The following TFDP2 variants were observed in gnomAD, a reference collection of about 807,000 sequenced individuals.
TFDP2 encodes the protein transcription factor Dp-2 (E2F dimerization partner 2).
A neutral mutation model predicts 59.3 loss-of-function variants in TFDP2; 17 were observed. That is an observed-to-expected ratio of 0.29 (90% confidence interval 0.20 to 0.43). The LOEUF (loss-of-function observed/expected upper bound fraction) is 0.43, where lower values mean the gene tolerates loss of function less well. TFDP2 is among the 20% of genes least tolerant of loss of function. The probability of loss-of-function intolerance (pLI) is 1.00; values close to 1 mark genes in which losing one functional copy is unlikely to be tolerated. For synonymous variants in TFDP2, 180 were observed against 194.7 expected (o/e 0.92, Z 0.63); for missense variants, 391 against 528.8 (o/e 0.74, Z 2.56).
chr3:142,116,159 G>A (rs1446463668), intron 1 of TFDP2, among the ~76,000 whole-genome samples: 1 of 151,858 alleles, frequency 6.6e-6, no homozygotes, highest in Admixed American at 6.6e-5. Flanking sequence ...CAAACTCCTG[G>A]GCTCAAGCAA....
At chr3:141,972,609 A>C (rs957956086) in intron 8 of TFDP2, among the ~76,000 whole-genome samples, 1 of 152,154 alleles carries the variant, frequency 6.6e-6, no homozygotes, top group Non-Finnish European at 1.5e-5. Context: ...TCCACTTGGC[A>C]GACTACTCCC....
intron 1 of TFDP2, among the ~76,000 whole-genome samples, chr3:142,133,560 CA>C (rs1403356690): frequency 7.1e-6 from 1 of 141,632 alleles, no homozygotes; most frequent in Non-Finnish European, 1.5e-5. Flanking sequence ...TACAGTGGCA[CA>C]ATCTTGGCTC....
At chr3:141,954,779 A>T (rs758704256) in intron 11 of TFDP2, among the ~76,000 whole-genome samples, 2 of 152,228 alleles carry the variant, frequency 1.3e-5, no homozygotes, top group Non-Finnish European at 2.9e-5. Flanking sequence ...AGAAAATGTA[A>T]TCTGCCAAAA....
chr3:142,139,295 C>T (rs1018527497), intron 1 of TFDP2, among the ~76,000 whole-genome samples: 6 of 152,152 alleles, frequency 3.9e-5, no homozygotes, highest in African/African-American at 1.4e-4. Context: ...ATATAGCACA[C>T]TGATGGGTCT....
rs1047209999 is a variant in TFDP2 at position 141,984,546 on chromosome 3, T to C, written c.357-5864A>G. 3.3e-5 allele frequency among the ~76,000 whole-genome samples: 5 copies of C among 152,180 alleles called. 1 individual carries two copies. The highest frequency in any genetic ancestry group is 3.3e-4 in the Admixed American group (5 of 15,264). On this transcript the variant is annotated intron_variant, in intron 6 of 12. Coordinates refer to ENST00000489671, the MANE Select transcript of TFDP2 (RefSeq NM_001178139.2). ...ATTCCACTTATATGAAATCAAATTA[T>C]AGTCAAAATCATAGAAAGTAGAACA...
chr3:142,066,232 C>T (rs888819494), intron 3 of TFDP2, among the ~76,000 whole-genome samples: 15 of 152,136 alleles, frequency 9.9e-5, no homozygotes, highest in African/African-American at 3.4e-4. Flanking sequence ...TGTTTCCAGG[C>T]TGTGAAGATT....
At chr3:142,049,271 T>C (rs374313355) in intron 3 of TFDP2, among the ~76,000 whole-genome samples, 27 of 152,370 alleles carry the variant, frequency 1.8e-4, no homozygotes, top group African/African-American at 6.5e-4. Context: ...GGATAACATA[T>C]GCCTGAGTTT....
chr3:142,131,776 C>T (rs1175261157), intron 1 of TFDP2, among the ~76,000 whole-genome samples: 2 of 149,798 alleles, frequency 1.3e-5, no homozygotes, highest in Non-Finnish European at 2.9e-5. Context: ...GAGGCCGAGG[C>T]GGGCAGACCA....
At chr3:142,097,784 G>A (rs1193397440) in intron 2 of TFDP2, among the ~76,000 whole-genome samples, 1 of 152,162 alleles carries the variant, frequency 6.6e-6, no homozygotes, top group Non-Finnish European at 1.5e-5. Flanking sequence ...GCCAGGCACG[G>A]TGGCTCATGT....
intron 3 of TFDP2, among the ~76,000 whole-genome samples, chr3:142,070,572 G>A (rs1467800117): frequency 6.6e-6 from 1 of 152,194 alleles, no homozygotes; most frequent in Non-Finnish European, 1.5e-5. Flanking sequence ...GAGCCACTAT[G>A]CCCAGCCCTC....
intron 3 of TFDP2, among the ~76,000 whole-genome samples, chr3:142,058,618 C>T (rs970813522): frequency 6.6e-6 from 1 of 152,106 alleles, no homozygotes. Context: ...CTTACTATTA[C>T]TGGTTTGTTT....
chr3:142,030,812 G>A (rs887832659), intron 3 of TFDP2, among the ~76,000 whole-genome samples: 1 of 137,934 alleles, frequency 7.2e-6, no homozygotes, highest in African/African-American at 2.8e-5. Flanking sequence ...GCGCGATCTC[G>A]GCTCACTGCA....
intron 3 of TFDP2, among the ~76,000 whole-genome samples, chr3:142,017,982 G>A (rs940419584): frequency 4.8e-5 from 7 of 147,304 alleles, no homozygotes; most frequent in African/African-American, 9.8e-5. Flanking sequence ...TGCTCTTGTC[G>A]TCCAGGCTGG....
At chr3:142,060,436 T>G (rs180753446) in intron 3 of TFDP2, among the ~76,000 whole-genome samples, 1 of 152,288 alleles carries the variant, frequency 6.6e-6, no homozygotes, top group East Asian at 1.9e-4. Flanking sequence ...ACAGTAGAAT[T>G]TTTTCATTGT....
chr3:141,958,976 CAG>C (rs776629891), intron 11 of TFDP2, among the ~76,000 whole-genome samples: 23 of 105,852 alleles, frequency 2.2e-4, no homozygotes, highest in Non-Finnish European at 3.2e-4. Flanking sequence ...TTTTTTGAGA[CAG>C]AGTTTCACTC....
At chr3:142,043,834 A>C (rs964336560) in intron 3 of TFDP2, 9 of 1,507,398 alleles carry the variant, frequency 6.0e-6, no homozygotes, top group African/African-American at 2.7e-5. Flanking sequence ...ATTTCCCTTC[A>C]CCTTCAGGTA....
At chr3:142,095,421 CAAG>C in intron 2 of TFDP2, among the ~76,000 whole-genome samples, 1 of 152,294 alleles carries the variant, frequency 6.6e-6, no homozygotes, top group Non-Finnish European at 1.5e-5. Flanking sequence ...TTCTTTCTGT[CAAG>C]AAGTATGTTA....
intron 3 of TFDP2, among the ~76,000 whole-genome samples, chr3:142,025,461 T>C (rs976893122): frequency 6.6e-6 from 1 of 152,244 alleles, no homozygotes; most frequent in African/African-American, 2.4e-5. Context: ...ACTGTTTTCC[T>C]TGTTAAGTAA....
chr3:142,011,286 T>G (rs1488501758), intron 3 of TFDP2, among the ~76,000 whole-genome samples: 1 of 103,074 alleles, frequency 9.7e-6, no homozygotes, highest in Non-Finnish European at 2.0e-5. Context: ...TCATGTCCTT[T>G]GTAGGGACAT....
Sources: allele counts gnomAD v4.1 joint callset (sites outside exome capture counted in the v4.1 genomes callset), GRCh38; gene constraint gnomAD v4.1.1; transcripts MANE v1.5; gene names NCBI Gene and HGNC (gene_info 2026-07-23, HGNC 2026-07-21).